TIGAR: variants seen among roughly 807,000 people sequenced by gnomAD.
TIGAR encodes fructose-2,6-bisphosphatase TIGAR.
A neutral mutation model predicts 17.9 loss-of-function variants in TIGAR; 7 were observed. The ratio of observed to expected loss-of-function variants is 0.39; its 90% CI spans 0.22 to 0.73. The LOEUF is 0.73. Ranked by LOEUF, TIGAR falls within the 30% of genes least tolerant of loss-of-function variation. The pLI is 0.42. For missense variants in TIGAR, 258 were observed against 327.4 expected, an observed-to-expected ratio of 0.79 and a Z score of 1.64; for synonymous variants, 94 against 108.6, an observed-to-expected ratio of 0.87 and a Z score of 0.84.
At chr12:4,334,834 A>G (rs147088700) in intron 2 of TIGAR, among the ~76,000 whole-genome samples, 5 of 152,272 alleles carry the variant, frequency 3.3e-5, no homozygotes, top group South Asian at 4.1e-4. Flanking sequence ...AGAGATTTCT[A>G]TCAGCTAAAT....
chr12:4,324,681 C>G, intron 1 of TIGAR: 1 of 1,014,194 alleles, frequency 9.9e-7, no homozygotes, highest in South Asian at 1.4e-5. Context: ...GGTTCACTTG[C>G]GGCCGCTGGC....
chr12:4,351,815 C>CCCA (rs1333144813), intron 5 of TIGAR, among the ~76,000 whole-genome samples: 1 of 152,222 alleles, frequency 6.6e-6, no homozygotes, highest in Non-Finnish European at 1.5e-5. Context: ...TTCCCCCTAA[C>CCCA]CCACCACCAC....
chr12:4,342,921 A>G (rs1864739984), intron 3 of TIGAR, among the ~76,000 whole-genome samples: 1 of 152,244 alleles, frequency 6.6e-6, no homozygotes, highest in African/African-American at 2.4e-5. Flanking sequence ...TAAATGTTCC[A>G]ATTAAAAGAC....
intron 2 of TIGAR, among the ~76,000 whole-genome samples, chr12:4,332,444 A>G (rs1414603461): frequency 6.6e-6 from 1 of 152,082 alleles, no homozygotes. Flanking sequence ...GTGTTTTGCC[A>G]TGTTGGCCAG....
Position 4,351,260 on chromosome 12 carries a change from G to A in TIGAR, c.271-7G>A, listed in dbSNP as rs1591666162. The A allele has an allele frequency of 2.5e-6, 4 of 1,613,430 alleles. No homozygotes were observed. The highest frequency in any genetic ancestry group is 3.4e-6 in the Non-Finnish European group (4 of 1,179,502). On this transcript the variant is annotated splice_region_variant and splice_polypyrimidine_tract_variant and intron_variant, in intron 4 of 5. Transcript: ENST00000179259. ...TTGAGAAACTGTTATCTATTGGACTGTTTCAGAAATACGGGGTTGTAGAAG... is the reference window on the plus strand; with the variant it reads ...TTGAGAAACTGTTATCTATTGGACTATTTCAGAAATACGGGGTTGTAGAAG...
At chr12:4,323,077 G>A (rs9738672) in intron 1 of TIGAR, among the ~76,000 whole-genome samples, 46,384 of 147,790 alleles carry the variant, frequency 0.31, 7,538 homozygotes, top group Admixed American at 0.38. Context: ...ACCAGCCTGG[G>A]CAACATGGTG....
In TIGAR at chr12:4,355,291, T is replaced by G. The variant is rs564268287; in HGVS notation, c.*2600T>G. Among the ~76,000 whole-genome samples the G allele has an allele frequency of 6.6e-5, 10 of 152,300 alleles. No homozygotes were observed. The highest frequency in any genetic ancestry group is 2.6e-4 in the Admixed American group (4 of 15,290). The stretch of plus-strand genomic sequence containing the variant: ...ATCCCAACACCATTGTAAAGGCTGT[T>G]CTTTCCCAATTGGTTTGTGGTGTGT... On this transcript the variant is annotated 3_prime_UTR_variant, in exon 6 of 6. Coordinates refer to ENST00000179259, the MANE Select transcript of TIGAR (RefSeq NM_020375.3).
chr12:4,348,442 C>T (rs927148310), intron 3 of TIGAR, among the ~76,000 whole-genome samples: 1 of 152,176 alleles, frequency 6.6e-6, no homozygotes, highest in Non-Finnish European at 1.5e-5. Context: ...ATTAGTTAGG[C>T]TGTCAGCAAA....
At chr12:4,324,548 T>A in intron 1 of TIGAR, 2 of 1,608,512 alleles carry the variant, frequency 1.2e-6, no homozygotes, top group Non-Finnish European at 1.7e-6. Flanking sequence ...CCCACCATCT[T>A]GGGCAGGATG....
rs1012012750 is a variant in TIGAR, at chr12:4,356,906, C to G, written c.*4215C>G. 6.6e-6 allele frequency among the ~76,000 whole-genome samples: 1 copy of G among 152,222 alleles called. No homozygotes were observed. The highest frequency in any genetic ancestry group is 2.4e-5 in the African/African-American group (1 of 41,454). Reference sequence around the variant, plus strand: ...TGGAGTCGAAACCATGGCTCCCATTCACCTGTCTCTTATTTTCCTGTCCTT... The same window carrying G: ...TGGAGTCGAAACCATGGCTCCCATTGACCTGTCTCTTATTTTCCTGTCCTT... On this transcript the variant is annotated 3_prime_UTR_variant, in exon 6 of 6. Coordinates refer to ENST00000179259, the MANE Select transcript of TIGAR (RefSeq NM_020375.3).
At position 4,356,531 on chromosome 12, in the gene TIGAR, CA is replaced by C. The variant is rs1864903890; in HGVS notation, c.*3841del. ...TGCTTCTCCTACTATCAACATCCCC[CA>C]CCAGACCAGTGCATCTGTTACCATC... is the stretch of plus-strand genomic sequence containing the variant. On this transcript the variant is annotated 3_prime_UTR_variant, in exon 6 of 6. Transcript: ENST00000179259. Among the ~76,000 whole-genome samples, 3 of 152,144 alleles carry C rather than the reference CA, an allele frequency of 2.0e-5. No individual in the cohort carries two copies. The highest frequency in any genetic ancestry group is 7.2e-5 in the African/African-American group (3 of 41,416).
intron 1 of TIGAR, among the ~76,000 whole-genome samples, chr12:4,323,658 T>C (rs566461080): frequency 1.3e-5 from 2 of 152,360 alleles, no homozygotes; most frequent in African/African-American, 2.4e-5. Context: ...TTTTGTTTCC[T>C]ACTTAATTTG....
Position 4,354,735 on chromosome 12 carries a change from T to TA in TIGAR, c.*2044_*2045insA, listed in dbSNP as rs1419489508. On this transcript the variant is annotated 3_prime_UTR_variant, in exon 6 of 6. Transcript: ENST00000179259. The stretch of plus-strand genomic sequence containing the variant: ...TTTTTATTTTCTTTGCTTTTTTTCT[T>TA]TTTTTTTTTTTTTGGAGACAGAGTC... 1 of 144,226 alleles carries TA rather than the reference T, an allele frequency of 6.9e-6. No individual in the cohort carries two copies. The highest frequency in any genetic ancestry group is 1.5e-5 in the Non-Finnish European group (1 of 65,642). The allele number at this position is 144,226 out of a possible 1,614,324, so 8.9% of individuals were successfully genotyped here.
At chr12:4,338,279 A>G (rs760818638) in intron 3 of TIGAR, among the ~76,000 whole-genome samples, 1 of 152,192 alleles carries the variant, frequency 6.6e-6, no homozygotes, top group African/African-American at 2.4e-5. Flanking sequence ...ATGTGAAACC[A>G]CTGTTTTCAG....
chr12:4,330,526 T>C (rs1304165922), intron 1 of TIGAR, among the ~76,000 whole-genome samples: 1 of 152,250 alleles, frequency 6.6e-6, no homozygotes, highest in Non-Finnish European at 1.5e-5. Context: ...GATTCTACTT[T>C]TCATGTATTT....
At chr12:4,335,917 A>G (rs1864653239) in intron 2 of TIGAR, among the ~76,000 whole-genome samples, 1 of 152,204 alleles carries the variant, frequency 6.6e-6, no homozygotes, top group African/African-American at 2.4e-5. Flanking sequence ...TTTTATTATT[A>G]AAAGATCTAT....
In TIGAR at chr12:4,354,607, G is replaced by A. The variant is rs1424126204; in HGVS notation, c.*1916G>A. The A allele has an allele frequency of 6.6e-6, 1 of 151,736 alleles. No individual in the cohort carries two copies. The highest frequency in any genetic ancestry group is 2.4e-5 in the African/African-American group (1 of 41,286). 9.4% of individuals were successfully genotyped at this position (151,736 alleles called of 1,614,324 possible). A position where few individuals can be genotyped will look rare whatever the true frequency, so the allele number is the denominator to read the frequency against. On this transcript the variant is annotated 3_prime_UTR_variant, in exon 6 of 6. Transcript: ENST00000179259. ...TCTTTATTTTTACTTATGTCTTGGA[G>A]GCATCTCTGTGTTGATATATATAGA... is the stretch of plus-strand genomic sequence containing the variant.
At chr12:4,329,796 C>T (rs994869218) in intron 1 of TIGAR, among the ~76,000 whole-genome samples, 2 of 152,128 alleles carry the variant, frequency 1.3e-5, no homozygotes, top group Admixed American at 1.3e-4. Flanking sequence ...AGCATTTTCT[C>T]CAGGCCCTGG....
At chr12:4,344,767 G>A (rs1864761940) in intron 3 of TIGAR, among the ~76,000 whole-genome samples, 1 of 152,146 alleles carries the variant, frequency 6.6e-6, no homozygotes, top group Admixed American at 6.6e-5. Context: ...TCTGGCCAGG[G>A]CAATCAGGCA....
Sources: allele counts gnomAD v4.1 joint callset (sites outside exome capture counted in the v4.1 genomes callset), GRCh38; gene constraint gnomAD v4.1.1; transcripts MANE v1.5; gene names NCBI Gene and HGNC (gene_info 2026-07-23, HGNC 2026-07-21).